The following POTEF variants were observed in gnomAD, a reference collection of about 807,000 sequenced individuals.
POTEF encodes the protein POTE ankyrin domain family member F, also known as ANKRD26-like family C member 1B.
POTEF carries 20 observed loss-of-function variants against 83.2 expected under a neutral mutation model. The ratio of observed to expected loss-of-function variants is 0.24; its 90% CI spans 0.17 to 0.35. The LOEUF is 0.35. POTEF is among the 10% of genes least tolerant of loss of function. The probability of loss-of-function intolerance (pLI) is 1.00; values close to 1 mark genes in which losing one functional copy is unlikely to be tolerated. For missense variants in POTEF, 550 were observed against 1,203.2 expected (o/e 0.46, Z 8.03); for synonymous variants, 196 against 446.4 (o/e 0.44, Z 7.07).
Position 130,095,025 on chromosome 2 carries a change from C to CTT in POTEF, c.1410-1519_1410-1518dup, listed in dbSNP as rs1189045004. Among the ~76,000 whole-genome samples the CTT allele has an allele frequency of 8.4e-3, 895 of 107,038 alleles. 21 individuals are homozygous for CTT. The highest frequency in any genetic ancestry group is 0.028 in the African/African-American group (823 of 29,342). The allele number at this position is 107,038 out of a possible 152,430, so 70.2% of individuals were successfully genotyped here. ...ACTGTTAGGAAAGAACCATGTCAAA[C>CTT]TTTTTTTTTTTTTTTTTTTTGAGAT... On this transcript the variant is annotated intron_variant, in intron 11 of 16. Transcript: ENST00000409914.
chr2:130,123,178 TA>T (rs1176793623), intron 2 of POTEF, among the ~76,000 whole-genome samples: 6 of 141,190 alleles, frequency 4.2e-5, no homozygotes, highest in African/African-American at 1.1e-4. Context: ...CAAACCAGGA[TA>T]TTTTTCTACA....
intron 2 of POTEF, among the ~76,000 whole-genome samples, chr2:130,122,356 C>T: frequency 6.7e-6 from 1 of 148,174 alleles, no homozygotes; most frequent in East Asian, 2.0e-4. Flanking sequence ...CTGTATTTAA[C>T]CTTTGAAGAA....
chr2:130,105,418 G>A lies in POTEF; in HGVS notation c.1126+2591C>T, dbSNP rs959090089. 2.0e-5 allele frequency among the ~76,000 whole-genome samples: 3 copies of A among 151,656 alleles called. 1 individual carries two copies. The highest frequency in any genetic ancestry group is 4.9e-5 in the African/African-American group (2 of 40,954). On this transcript the variant is annotated intron_variant, in intron 8 of 16. Coordinates refer to ENST00000409914, the MANE Select transcript of POTEF (RefSeq NM_001099771.2). ...ATGCTACTCCAAGGATGTATGACAA[G>A]GAAACTATAGCTGACTACTGCGAAA...
At chr2:130,109,806 G>A (rs1235260080) in intron 7 of POTEF, 3 of 151,726 alleles carry the variant, frequency 2.0e-5, no homozygotes, top group South Asian at 2.1e-4. Context: ...CTGAATATGC[G>A]GGGAAGGGTC....
At chr2:130,121,908 T>C (rs1374602604) in intron 2 of POTEF, among the ~76,000 whole-genome samples, 3 of 142,814 alleles carry the variant, frequency 2.1e-5, no homozygotes, top group African/African-American at 7.9e-5. Context: ...AACATTTTTA[T>C]GCTCCTTAAA....
chr2:130,103,591 C>A lies in POTEF; in HGVS notation c.1127-1411G>T, dbSNP rs1263325961. On this transcript the variant is annotated intron_variant, in intron 8 of 16. Coordinates refer to ENST00000409914, the MANE Select transcript of POTEF (RefSeq NM_001099771.2). Reference sequence around the variant, plus strand: ...CCGTCTGCTCCAAGACTGCAGAGGACAGTCTTGAGCATCATCTTACTCACA... The same window carrying A: ...CCGTCTGCTCCAAGACTGCAGAGGAAAGTCTTGAGCATCATCTTACTCACA... Among the ~76,000 whole-genome samples the A allele has an allele frequency of 2.0e-5, 3 of 147,256 alleles. 1 individual carries two copies. Among genetic ancestry groups the A allele is most frequent in the African/African-American group, 7.8e-5 (3 of 38,632 alleles).
rs763916502 is a variant in POTEF, at chr2:130,120,191, A to G, written c.325T>C (p.Cys109Arg). The G allele has an allele frequency of 7.5e-6, 12 of 1,597,364 alleles. 1 individual carries two copies. The Admixed American group carries it at 8.9e-5, about 12-fold the overall frequency. Residue 109 changes from cysteine to arginine, a missense_variant, in exon 3 of 17, where the codon TGC becomes CGC. Physicochemically the swap from Cys to Arg is radical, Grantham distance 180. Coordinates refer to ENST00000409914, the MANE Select transcript of POTEF (RefSeq NM_001099771.2). ...ACCTTGCTCTTGCTGCTCCCCCTGCAGCAGGGGAAGCAGTGGCAGCACCAC... is the reference window on the plus strand; with the variant it reads ...ACCTTGCTCTTGCTGCTCCCCCTGCGGCAGGGGAAGCAGTGGCAGCACCAC... ...GKWCCHCFPC[C>R]RGSSKSKVGA...
Position 130,102,987 on chromosome 2 carries a change from T to C in POTEF, c.1127-807A>G, listed in dbSNP as rs1159576632. On this transcript the variant is annotated intron_variant, in intron 8 of 16. Coordinates refer to ENST00000409914, the MANE Select transcript of POTEF (RefSeq NM_001099771.2). ...CCTGCTTTCTGCAACAATAGTACCT[T>C]ACAAATGATTTCAAAAATTACTACT... 6.6e-5 allele frequency among the ~76,000 whole-genome samples: 10 copies of C among 151,512 alleles called. No homozygotes were observed. The East Asian group carries it at 1.5e-3, about 23-fold the overall frequency.
intron 8 of POTEF, among the ~76,000 whole-genome samples, chr2:130,104,851 G>A (rs199979632): frequency 5.3e-5 from 8 of 151,326 alleles, no homozygotes; most frequent in African/African-American, 1.7e-4. Context: ...TTGGATCTTT[G>A]ACAAGTCTTA....
chr2:130,115,179 C>T (rs747624454), intron 4 of POTEF, 35 bp downstream of exon 4: 2 of 1,612,258 alleles, frequency 1.2e-6, no homozygotes, highest in East Asian at 2.2e-5. Flanking sequence ...TGAAATCAAA[C>T]CCACCTCATG....
intron 8 of POTEF, among the ~76,000 whole-genome samples, chr2:130,104,565 A>G (rs2259781): frequency 2.6e-5 from 4 of 151,506 alleles, no homozygotes; most frequent in Non-Finnish European, 5.9e-5. Flanking sequence ...AGTGTATTTC[A>G]CAGAAAATGA....
At position 130,128,825 on chromosome 2, in the gene POTEF, C is replaced by A. The variant is rs1196624065; in HGVS notation, c.-250+247G>T. Reference sequence around the variant, plus strand: ...CAGCAGAAAATAGTGCCCCTAACCCCTCCCCCGCCACCGGCAGTACACGTT... The same window carrying A: ...CAGCAGAAAATAGTGCCCCTAACCCATCCCCCGCCACCGGCAGTACACGTT... On this transcript the variant is annotated intron_variant, in intron 1 of 16. Coordinates refer to ENST00000409914, the MANE Select transcript of POTEF (RefSeq NM_001099771.2). Among the ~76,000 whole-genome samples the A allele has an allele frequency of 9.8e-4, 129 of 131,744 alleles. 1 individual carries two copies. Among genetic ancestry groups the A allele is most frequent in the African/African-American group, 3.5e-3 (112 of 31,794 alleles). 86.4% of individuals were successfully genotyped at this position (131,744 alleles called of 152,430 possible). A position where few individuals can be genotyped will look rare whatever the true frequency, so the allele number is the denominator to read the frequency against.
chr2:130,094,744 C>T (rs1418109924), intron 11 of POTEF, among the ~76,000 whole-genome samples: 12 of 39,740 alleles, frequency 3.0e-4, no homozygotes, highest in Admixed American at 7.3e-4. Context: ...ACTGAGATCG[C>T]GCCACTGCAC....
intron 11 of POTEF, among the ~76,000 whole-genome samples, chr2:130,098,683 AC>A (rs1684315748): frequency 7.2e-6 from 1 of 137,988 alleles, no homozygotes; most frequent in African/African-American, 3.0e-5. Context: ...GTAATGATTT[AC>A]TTTTGATAAT....
In POTEF at chr2:130,075,262, C is replaced by T. The variant is rs551180706; in HGVS notation, c.2210G>A (p.Arg737His). 6.9e-5 allele frequency: 111 copies of T among 1,612,310 alleles called. No individual in the cohort carries two copies. The highest frequency in any genetic ancestry group is 4.3e-4 in the Admixed American group (26 of 59,944). ...CCCCATCATGCCCTGCTGCCTGGGGCGCCCCACGATGGAAGGGAAGACAGC... is the reference window on the plus strand; with the variant it reads ...CCCCATCATGCCCTGCTGCCTGGGGTGCCCCACGATGGAAGGGAAGACAGC... ...PRAVFPSIVG[R>H]PRQQGMMGGM... Residue 737 changes from arginine to histidine, a missense_variant, in exon 17 of 17, where the codon CGC becomes CAC. Physicochemically the swap from Arg to His is conservative, Grantham distance 29. Transcript: ENST00000409914.
chr2:130,101,597 A>C (rs2104800807), intron 9 of POTEF, among the ~76,000 whole-genome samples: 1 of 150,118 alleles, frequency 6.7e-6, no homozygotes, highest in East Asian at 1.9e-4. Flanking sequence ...TGACAATATA[A>C]AACTGCAGAT....
chr2:130,101,972 ATC>A (rs1345474309), intron 9 of POTEF, 136 bp downstream of exon 9: 1 of 404,928 alleles, frequency 2.5e-6, no homozygotes, highest in Non-Finnish European at 4.5e-6. Flanking sequence ...AATTTTAACA[ATC>A]TATTAAAAAA....
intron 5 of POTEF, among the ~76,000 whole-genome samples, chr2:130,112,916 C>A (rs576875117): frequency 6.6e-6 from 1 of 152,036 alleles, no homozygotes; most frequent in Non-Finnish European, 1.5e-5. Flanking sequence ...AACAAAGAGA[C>A]ACAAAATCCT....
At chr2:130,106,900 G>A (rs202057141) in intron 8 of POTEF, among the ~76,000 whole-genome samples, 9 of 149,560 alleles carry the variant, frequency 6.0e-5, no homozygotes, top group Non-Finnish European at 1.0e-4. Context: ...TGTAAATTCT[G>A]TTGAAAAAGC....
Sources: gnomAD v4.1 joint callset for allele counts (sites outside exome capture counted in the v4.1 genomes callset) on GRCh38, gnomAD v4.1.1 for gene constraint, MANE v1.5 for transcripts, NCBI Gene and HGNC (gene_info 2026-07-23, HGNC 2026-07-21) for gene names.